The following CELF2 variants were observed in gnomAD, a reference collection of about 807,000 sequenced individuals.
CELF2 encodes the protein CUGBP Elav-like family member 2, also known as CUG triplet repeat RNA-binding protein 2.
Under a neutral mutation model 62.6 loss-of-function variants are expected in CELF2, and 8 were observed. The observed-to-expected ratio is 0.13, with a 90% confidence interval of 0.07 to 0.23. CELF2 has a LOEUF of 0.23. Among genes scored for constraint, CELF2 ranks in the 10% least tolerant of loss-of-function variants. The probability of loss-of-function intolerance (pLI) is 1.00; values close to 1 mark genes in which losing one functional copy is unlikely to be tolerated. For missense variants in CELF2, 333 were observed against 671.0 expected (o/e 0.50, Z 5.56); for synonymous variants, 258 against 250.0 (o/e 1.03, Z -0.30).
the CELF2 span, among the ~76,000 whole-genome samples, chr10:10,590,374 A>G: frequency 6.6e-6 from 1 of 152,228 alleles, no homozygotes. Flanking sequence ...GGAAATGTGT[A>G]AAATGCACCC....
At chr10:10,616,295 G>GTGTGTGT in the CELF2 span, among the ~76,000 whole-genome samples, 3 of 143,958 alleles carry the variant, frequency 2.1e-5, no homozygotes, top group African/African-American at 7.6e-5. Context: ...TTTTGTTTGG[G>GTGTGTGT]GTGTGTGTGT....
At chr10:10,740,515 G>GA in the CELF2 span, among the ~76,000 whole-genome samples, 1 of 152,086 alleles carries the variant, frequency 6.6e-6, no homozygotes, top group African/African-American at 2.4e-5. Flanking sequence ...TCAAAAAATT[G>GA]AAAACAGAAC....
intron 1 of CELF2, among the ~76,000 whole-genome samples, chr10:11,100,219 A>AT (rs1564738302): frequency 1.5e-4 from 23 of 150,126 alleles, no homozygotes; most frequent in East Asian, 5.9e-4. Context: ...AAATAAATAA[A>AT]TAAAATAAAT....
chr10:11,222,265 A>G (rs973744009), intron 3 of CELF2, among the ~76,000 whole-genome samples: 5 of 152,204 alleles, frequency 3.3e-5, no homozygotes, highest in Admixed American at 2.6e-4. Flanking sequence ...ACTTAGTGAT[A>G]GGTATTAATG....
chr10:10,981,381 A>C (rs2052079329), intron 2 of CELF2, among the ~76,000 whole-genome samples: 1 of 152,198 alleles, frequency 6.6e-6, no homozygotes, highest in Admixed American at 6.5e-5. Context: ...GGCACTAAAA[A>C]CTAATAAGCC....
chr10:11,130,917 T>A (rs1043391870), intron 1 of CELF2, among the ~76,000 whole-genome samples: 21 of 152,218 alleles, frequency 1.4e-4, no homozygotes, highest in African/African-American at 5.1e-4. Context: ...GTTAGAGATA[T>A]GAGAATCCCC....
chr10:10,583,124 C>A, the CELF2 span, among the ~76,000 whole-genome samples: 2 of 152,112 alleles, frequency 1.3e-5, no homozygotes, highest in East Asian at 1.9e-4. Flanking sequence ...TATTCGAAGG[C>A]CTTGCAGTGC....
the CELF2 span, among the ~76,000 whole-genome samples, chr10:10,688,152 T>C: frequency 0.23 from 34,632 of 152,188 alleles, 4,144 homozygotes; most frequent in South Asian, 0.43. Flanking sequence ...TTTACCTGCA[T>C]TTCTTTCATT....
At chr10:11,235,578 CAA>C (rs1182520490) in intron 3 of CELF2, among the ~76,000 whole-genome samples, 3 of 152,156 alleles carry the variant, frequency 2.0e-5, no homozygotes, top group Non-Finnish European at 4.4e-5. Context: ...AAATTAAACT[CAA>C]ACTCATGAAG....
chr10:10,772,402 T>C, the CELF2 span, among the ~76,000 whole-genome samples: 1 of 152,248 alleles, frequency 6.6e-6, no homozygotes, highest in African/African-American at 2.4e-5. Context: ...TCAGTGTAAA[T>C]GGATACTTTT....
At chr10:10,762,342 G>T in the CELF2 span, among the ~76,000 whole-genome samples, 2 of 152,178 alleles carry the variant, frequency 1.3e-5, no homozygotes, top group Non-Finnish European at 2.9e-5. Flanking sequence ...GAAAGTCAGT[G>T]CTGTAACAGC....
At chr10:10,918,820 C>T (rs191375192) in intron 1 of CELF2, among the ~76,000 whole-genome samples, 1 of 152,264 alleles carries the variant, frequency 6.6e-6, no homozygotes, top group East Asian at 1.9e-4. Flanking sequence ...GGTTATATGA[C>T]ACTAAGGAGA....
chr10:11,085,080 T>C (rs544610000), intron 1 of CELF2, among the ~76,000 whole-genome samples: 1 of 152,392 alleles, frequency 6.6e-6, no homozygotes, highest in South Asian at 2.1e-4. Context: ...CGTTTGGCTT[T>C]TCTTTCATTT....
At chr10:10,996,679 G>A (rs1417403315) in intron 2 of CELF2, among the ~76,000 whole-genome samples, 2 of 152,078 alleles carry the variant, frequency 1.3e-5, no homozygotes, top group African/African-American at 4.8e-5. Context: ...TAATGCCTTT[G>A]GTGTTCTCTT....
the CELF2 span, among the ~76,000 whole-genome samples, chr10:10,707,834 C>A: frequency 3.3e-5 from 5 of 152,268 alleles, no homozygotes; most frequent in East Asian, 9.7e-4. Context: ...TCAACTATTA[C>A]TAAGCCTCTA....
At chr10:10,659,470 G>A in the CELF2 span, among the ~76,000 whole-genome samples, 1 of 152,176 alleles carries the variant, frequency 6.6e-6, no homozygotes, top group South Asian at 2.1e-4. Flanking sequence ...AAGCAAGAAT[G>A]TCATGCTTCT....
intron 2 of CELF2, among the ~76,000 whole-genome samples, chr10:11,179,433 T>A (rs1214206291): frequency 1.3e-5 from 2 of 152,176 alleles, no homozygotes; most frequent in Non-Finnish European, 2.9e-5. Flanking sequence ...GTCTCTGAAA[T>A]TTGCGTGCCT....
the CELF2 span, among the ~76,000 whole-genome samples, chr10:10,507,529 A>G: frequency 1.3e-5 from 2 of 152,216 alleles, no homozygotes; most frequent in Non-Finnish European, 2.9e-5. Flanking sequence ...TCATAACTGC[A>G]TAGTCCAGAG....
chr10:10,968,391 C>G (rs1464599376), intron 2 of CELF2, among the ~76,000 whole-genome samples: 1 of 152,076 alleles, frequency 6.6e-6, no homozygotes, highest in Non-Finnish European at 1.5e-5. Flanking sequence ...AGCAATGTTC[C>G]CAAAGTTAAA....
Sources: gnomAD v4.1 joint callset for allele counts (sites outside exome capture counted in the v4.1 genomes callset) on GRCh38, gnomAD v4.1.1 for gene constraint, MANE v1.5 for transcripts, NCBI Gene and HGNC (gene_info 2026-07-23, HGNC 2026-07-21) for gene names.